Variants in KDM6A observed in about 807,000 individuals in gnomAD.
The protein encoded by KDM6A is lysine demethylase 6A, also known as lysine-specific demethylase 6A.
In KDM6A, 11 loss-of-function variants were observed where a neutral mutation model predicts 117.6. That is an observed-to-expected ratio of 0.09 (90% CI 0.06 to 0.15). The LOEUF (loss-of-function observed/expected upper bound fraction) is 0.15. Ranked by LOEUF, KDM6A falls within the 10% of genes least tolerant of loss-of-function variation. KDM6A has a pLI of 1.00. For missense variants in KDM6A, 799 were observed against 1,077.3 expected (o/e 0.74, Z 3.62); for synonymous variants, 384 against 396.1 (o/e 0.97, Z 0.36).
chrX:45,032,491 T>C (rs770440329), intron 6 of KDM6A, among the ~76,000 whole-genome samples: 40 of 112,235 alleles, frequency 3.6e-4, no homozygotes, highest in Non-Finnish European at 6.6e-4. Flanking sequence ...ACTTAGTAAT[T>C]ATTCTGTAAG....
intron 2 of KDM6A, among the ~76,000 whole-genome samples, chrX:44,952,565 G>C (rs1169595543): frequency 9.0e-6 from 1 of 111,255 alleles, no homozygotes; most frequent in African/African-American, 3.3e-5. Flanking sequence ...GAGCCACCGC[G>C]TTCAACCCCT....
chrX:44,921,631 G>A (rs2035942176), intron 2 of KDM6A, among the ~76,000 whole-genome samples: 1 of 111,342 alleles, frequency 9.0e-6, no homozygotes, highest in Non-Finnish European at 1.9e-5. Flanking sequence ...AAATTACTGT[G>A]TATATTAGTA....
intron 6 of KDM6A, among the ~76,000 whole-genome samples, chrX:45,026,053 TA>T (rs1037528331): frequency 8.9e-6 from 1 of 111,769 alleles, no homozygotes; most frequent in Admixed American, 9.5e-5. Context: ...GGTAGATAAA[TA>T]AAATGGAAGA....
At chrX:45,011,826 C>T (rs954907965) in intron 5 of KDM6A, among the ~76,000 whole-genome samples, 9 of 110,854 alleles carry the variant, frequency 8.1e-5, no homozygotes, top group Admixed American at 9.6e-5. Context: ...CACTCTGTTG[C>T]CCAGGCTGGA....
At chrX:45,052,620 G>A (rs2043903914) in intron 9 of KDM6A, among the ~76,000 whole-genome samples, 1 of 111,135 alleles carries the variant, frequency 9.0e-6, no homozygotes, top group Non-Finnish European at 1.9e-5. Context: ...AAATCCTAAT[G>A]GAAAAAATTA....
intron 3 of KDM6A, among the ~76,000 whole-genome samples, chrX:44,963,676 A>G (rs1470362923): frequency 5.4e-5 from 6 of 110,485 alleles, no homozygotes; most frequent in Non-Finnish European, 9.5e-5. Flanking sequence ...TGAACCCATC[A>G]AAGTCATCTA....
At chrX:44,892,328 G>A (rs781767940) in intron 2 of KDM6A, among the ~76,000 whole-genome samples, 1 of 111,949 alleles carries the variant, frequency 8.9e-6, no homozygotes, top group Admixed American at 9.5e-5. Context: ...GGAGGCTGAG[G>A]CAGGTGGATT....
At chrX:45,031,132 C>T (rs2042587078) in intron 6 of KDM6A, among the ~76,000 whole-genome samples, 1 of 112,449 alleles carries the variant, frequency 8.9e-6, no homozygotes, top group Non-Finnish European at 1.9e-5. Flanking sequence ...TTTTATAAGG[C>T]TCTGTAAAAA....
chrX:44,936,323 AT>A (rs996325408), intron 2 of KDM6A, among the ~76,000 whole-genome samples: 18 of 108,009 alleles, frequency 1.7e-4, no homozygotes, highest in African/African-American at 2.4e-4. Context: ...ATAAGGTAAT[AT>A]TTTTTTTTTC....
At chrX:44,913,579 A>G (rs1164586487) in intron 2 of KDM6A, among the ~76,000 whole-genome samples, 2 of 110,880 alleles carry the variant, frequency 1.8e-5, no homozygotes, top group East Asian at 5.6e-4. Flanking sequence ...CTGGGATTAC[A>G]GACATGAGCC....
intron 9 of KDM6A, among the ~76,000 whole-genome samples, chrX:45,052,749 TAC>T (rs1436371509): frequency 1.8e-5 from 2 of 111,833 alleles, no homozygotes; most frequent in Non-Finnish European, 3.8e-5. Context: ...TAGGCTGGAA[TAC>T]AGTGTCGTGA....
intron 20 of KDM6A, 109 bp downstream of exon 20, chrX:45,078,614 CT>C: frequency 3.3e-6 from 2 of 604,570 alleles, no homozygotes; most frequent in South Asian, 3.5e-5. Flanking sequence ...CTTTTTTTTT[CT>C]TTTTTTGTAT....
Position 44,948,538 on chromosome X carries a change from A to G in KDM6A, c.226-12746A>G, listed in dbSNP as rs1602305921. ...AAGAAAATATTGGTAAGTGTTTTAC[A>G]TCGGGTCAGATTCTGGGGATTTTCT... On this transcript the variant is annotated intron_variant, in intron 2 of 29. Transcript: ENST00000611820. Among the ~76,000 whole-genome samples the G allele has an allele frequency of 4.5e-5, 5 of 111,968 alleles. No homozygotes were observed. The South Asian group carries it at 1.9e-3, about 42-fold the overall frequency.
chrX:45,040,539 CA>C (rs1280022931), intron 8 of KDM6A, among the ~76,000 whole-genome samples: 2 of 63,960 alleles, frequency 3.1e-5, no homozygotes, highest in Non-Finnish European at 6.1e-5. Context: ...GCTGGCCGGG[CA>C]GAGGGGCTCC....
At chrX:44,937,104 A>T (rs759446621) in intron 2 of KDM6A, among the ~76,000 whole-genome samples, 1 of 110,869 alleles carries the variant, frequency 9.0e-6, no homozygotes, top group South Asian at 3.8e-4. Flanking sequence ...AGTGAGTTTG[A>T]TGATACATTG....
At chrX:45,094,485 A>G (rs1215964526) in intron 27 of KDM6A, among the ~76,000 whole-genome samples, 1 of 111,935 alleles carries the variant, frequency 8.9e-6, no homozygotes, top group Non-Finnish European at 1.9e-5. Flanking sequence ...AAAATAGCAT[A>G]CATACCATAT....
At chrX:44,976,153 A>G (rs2039608469) in intron 4 of KDM6A, among the ~76,000 whole-genome samples, 1 of 111,929 alleles carries the variant, frequency 8.9e-6, no homozygotes, top group Non-Finnish European at 1.9e-5. Context: ...CATCACAGCC[A>G]TCATCACAGT....
At chrX:45,010,431 CAT>C (rs751586196) in intron 4 of KDM6A, among the ~76,000 whole-genome samples, 1 of 111,467 alleles carries the variant, frequency 9.0e-6, no homozygotes, top group African/African-American at 3.3e-5. Flanking sequence ...AGTGTTGACA[CAT>C]GTCTTGTTTC....
intron 8 of KDM6A, among the ~76,000 whole-genome samples, chrX:45,040,342 C>T (rs1305196950): frequency 6.4e-5 from 6 of 93,824 alleles, no homozygotes; most frequent in East Asian, 3.7e-4. Context: ...CCAGTAGGGG[C>T]GGCCGGGCAG....
Sources: allele counts gnomAD v4.1 joint callset (sites outside exome capture counted in the v4.1 genomes callset), GRCh38; gene constraint gnomAD v4.1.1; transcripts MANE v1.5; gene names NCBI Gene and HGNC (gene_info 2026-07-23, HGNC 2026-07-21).